NINL: variants seen among roughly 807,000 people sequenced by gnomAD.
NINL encodes ninein like.
Under a neutral mutation model 160.3 loss-of-function variants are expected in NINL, and 153 were observed. The ratio of observed to expected loss-of-function variants is 0.95; its 90% CI spans 0.84 to 1.09. The LOEUF (loss-of-function observed/expected upper bound fraction) is 1.09, where lower values mean the gene tolerates loss of function less well. NINL is among the 50% of genes least tolerant of loss of function. NINL has a pLI of 0.00. For synonymous variants in NINL, 800 were observed against 734.8 expected, an observed-to-expected ratio of 1.09 and a Z score of -1.43; for missense variants, 1,829 against 1,764.0, an observed-to-expected ratio of 1.04 and a Z score of -0.66.
intron 1 of NINL, among the ~76,000 whole-genome samples, chr20:25,558,341 G>T (rs2064893919): frequency 6.6e-6 from 1 of 151,992 alleles, no homozygotes; most frequent in South Asian, 2.1e-4. Flanking sequence ...CCAAGTAGCT[G>T]GGAGGACACA....
At chr20:25,498,822 A>T in intron 8 of NINL, 1 of 887,032 alleles carries the variant, frequency 1.1e-6, no homozygotes, top group Non-Finnish European at 1.4e-6. Flanking sequence ...CCTCAGGCTT[A>T]AAGCCAAAAA....
intron 16 of NINL, among the ~76,000 whole-genome samples, chr20:25,477,460 A>G (rs442834): frequency 0.47 from 71,757 of 152,028 alleles, 17,611 homozygotes; most frequent in East Asian, 0.92. Context: ...GACGTGGCCC[A>G]CACTGCAGTG....
chr20:25,553,039 T>C (rs2064823475), intron 1 of NINL, among the ~76,000 whole-genome samples: 1 of 151,440 alleles, frequency 6.6e-6, no homozygotes, highest in African/African-American at 2.4e-5. Context: ...TGCAGCGGCC[T>C]TGCTCACTGT....
intron 1 of NINL, among the ~76,000 whole-genome samples, chr20:25,562,719 T>C (rs2064958398): frequency 6.7e-6 from 1 of 149,688 alleles, no homozygotes; most frequent in Non-Finnish European, 1.5e-5. Flanking sequence ...TCCACTATTG[T>C]CCTATGACCC....
At chr20:25,513,264 T>C (rs778033094) in intron 3 of NINL, among the ~76,000 whole-genome samples, 16 of 152,222 alleles carry the variant, frequency 1.1e-4, no homozygotes, top group Non-Finnish European at 2.2e-4. Flanking sequence ...CTATTTACAC[T>C]TTTTCAAGCA....
rs895733907 is a variant in NINL, at chr20:25,456,876, G to A, written c.3844-1090C>T. On this transcript the variant is annotated intron_variant, in intron 22 of 23. Coordinates refer to ENST00000278886, the MANE Select transcript of NINL (RefSeq NM_025176.6). ...GAACCCAGGAGGTGGAGGCTGCAGT[G>A]AGCCGAGATCGCACCATTGCACTCC... 4.6e-5 allele frequency among the ~76,000 whole-genome samples: 7 copies of A among 151,874 alleles called. No individual in the cohort carries two copies. In the East Asian group the frequency reaches 1.4e-3, roughly 30 times the overall value.
intron 1 of NINL, among the ~76,000 whole-genome samples, chr20:25,573,968 G>A (rs2065085337): frequency 6.6e-6 from 1 of 152,184 alleles, no homozygotes; most frequent in South Asian, 2.1e-4. Flanking sequence ...CAAGCATCCA[G>A]TGTAAAAATC....
rs144401086 is a variant in NINL at position 25,503,988 on chromosome 20, A to G, written c.825T>C (p.Thr275=). 703 of 1,614,094 alleles carry G rather than the reference A, an allele frequency of 4.4e-4. 2 individuals carry two copies. The African/African-American group carries it at 8.4e-3, about 19-fold the overall frequency. The change falls in exon 7 of 24, where the codon ACT becomes ACC. Residue 275 remains threonine (T), a synonymous_variant. Coordinates refer to ENST00000278886, the MANE Select transcript of NINL (RefSeq NM_025176.6). The part of the protein sequence containing the change: ...HEPALLLESS[T]RVKPSKAWSH... ...ACCAAGCCTTGCTCGGTTTAACCCG[A>G]GTGGAAGACTCTAGAAGTAGCGCGG...
At chr20:25,489,464 C>T (rs1048654508) in intron 12 of NINL, 140 bp from the exon 13 acceptor site, 9 of 692,208 alleles carry the variant, frequency 1.3e-5, no homozygotes, top group South Asian at 8.0e-5. Context: ...CGCCATCCCC[C>T]CTCCTTCTCC....
intron 19 of NINL, among the ~76,000 whole-genome samples, chr20:25,466,619 G>A (rs1224181717): frequency 1.3e-5 from 2 of 151,910 alleles, no homozygotes; most frequent in Non-Finnish European, 2.9e-5. Flanking sequence ...GGCCAACATG[G>A]TGAAACCCTG....
Position 25,470,037 on chromosome 20 carries a change from C to T in NINL, c.3307G>A (p.Val1103Ile), listed in dbSNP as rs2063055110. The change falls in exon 18 of 24, where the codon GTT (valine) becomes ATT (isoleucine). Residue 1103 changes from valine to isoleucine, a missense_variant. Transcript: ENST00000278886. The stretch of plus-strand genomic sequence containing the variant: ...TCTGCAGCTTCAAGCTCTTGCCGAA[C>T]CCTTCCCAGATCGTTTTTCAACAAA... ...NTLLKNDLGR[V>I]RQELEAAEST... 6.2e-7 allele frequency: 1 copy of T among 1,614,034 alleles called. No homozygotes were observed. Among genetic ancestry groups the T allele is most frequent in the South Asian group, 1.1e-5 (1 of 91,092 alleles).
chr20:25,525,255 ACT>A (rs2064336840), intron 2 of NINL, among the ~76,000 whole-genome samples: 1 of 151,976 alleles, frequency 6.6e-6, no homozygotes, highest in Admixed American at 6.6e-5. Context: ...ATTCAACCAG[ACT>A]CTCTACTAGG....
chr20:25,496,626 C>G, intron 10 of NINL, 37 bp downstream of exon 10: 1 of 1,609,282 alleles, frequency 6.2e-7, no homozygotes, highest in Non-Finnish European at 8.5e-7. Context: ...GCTGGGGAGG[C>G]CCAGGTAAGA....
Position 25,505,197 on chromosome 20 carries a change from A to T in NINL, c.518-119T>A, listed in dbSNP as rs1008975415. The T allele has an allele frequency of 2.2e-5, 20 of 923,780 alleles. No individual in the cohort carries two copies. The Admixed American group carries it at 2.3e-4, about 10-fold the overall frequency. The allele number at this position is 923,780 out of a possible 1,614,324, so 57.2% of individuals were successfully genotyped here. A position where few individuals can be genotyped will look rare whatever the true frequency, so the allele number is the denominator to read the frequency against. ...AGCGTGAATGAATGTGGAGGACATT[A>T]CGCTAAGTGAAATTAGCAGACACAG... On this transcript the variant is annotated intron_variant, in intron 5 of 23. Transcript: ENST00000278886.
At chr20:25,520,055 T>TAAA (rs2064235892) in intron 2 of NINL, among the ~76,000 whole-genome samples, 1 of 20,956 alleles carries the variant, frequency 4.8e-5, no homozygotes, top group African/African-American at 4.2e-4. Flanking sequence ...AAATGCAGAA[T>TAAA]TTAAAATTCA....
chr20:25,571,355 A>G (rs901991667), intron 1 of NINL, among the ~76,000 whole-genome samples: 1 of 152,240 alleles, frequency 6.6e-6, no homozygotes, highest in Non-Finnish European at 1.5e-5. Flanking sequence ...CGCCAGGGTC[A>G]AGGAGTGGGC....
At chr20:25,466,751 G>T (rs2146378156) in intron 19 of NINL, among the ~76,000 whole-genome samples, 1 of 152,232 alleles carries the variant, frequency 6.6e-6, no homozygotes, top group Middle Eastern at 3.4e-3. Flanking sequence ...AGTGAGCCAA[G>T]ATCGCACCAC....
At chr20:25,474,628 T>G (rs2063186223) in intron 17 of NINL, among the ~76,000 whole-genome samples, 1 of 152,014 alleles carries the variant, frequency 6.6e-6, no homozygotes, top group Non-Finnish European at 1.5e-5. Context: ...TTTTTTTTTT[T>G]GAGATGGAAT....
chr20:25,508,710 C>T (rs902494462), intron 5 of NINL, among the ~76,000 whole-genome samples: 5 of 152,252 alleles, frequency 3.3e-5, no homozygotes, highest in Non-Finnish European at 5.9e-5. Flanking sequence ...GGCATTCAGC[C>T]GGGCTCCAGC....
Sources: allele counts gnomAD v4.1 joint callset (sites outside exome capture counted in the v4.1 genomes callset), GRCh38; gene constraint gnomAD v4.1.1; transcripts MANE v1.5; gene names NCBI Gene and HGNC (gene_info 2026-07-23, HGNC 2026-07-21).